Variants in KCNMA1 observed in about 807,000 individuals in gnomAD.
The protein encoded by KCNMA1 is potassium calcium-activated channel subfamily M alpha 1.
In KCNMA1, 29 loss-of-function variants were observed where a neutral mutation model predicts 140.0. The observed-to-expected ratio is 0.21, with a 90% confidence interval of 0.15 to 0.28. The LOEUF (loss-of-function observed/expected upper bound fraction) is 0.28, where lower values mean the gene tolerates loss of function less well. Among genes scored for constraint, KCNMA1 ranks in the 10% least tolerant of loss-of-function variants. KCNMA1 has a pLI of 1.00. For synonymous variants in KCNMA1, 612 were observed against 611.9 expected (o/e 1.00, Z 0.00); for missense variants, 880 against 1,602.2 (o/e 0.55, Z 7.70).
chr10:77,064,679 G>T (rs1744780124), intron 14 of KCNMA1, among the ~76,000 whole-genome samples: 1 of 152,198 alleles, frequency 6.6e-6, no homozygotes. Flanking sequence ...AGACTGAGTG[G>T]CACTGCGGGA....
chr10:77,254,699 C>T (rs1209384105), intron 2 of KCNMA1, among the ~76,000 whole-genome samples: 2 of 152,126 alleles, frequency 1.3e-5, no homozygotes, highest in African/African-American at 4.8e-5. Flanking sequence ...ATATCCTCTC[C>T]TTTCCCAAAA....
chr10:77,045,582 T>A (rs762497487), intron 14 of KCNMA1, among the ~76,000 whole-genome samples: 1 of 152,146 alleles, frequency 6.6e-6, no homozygotes, highest in Non-Finnish European at 1.5e-5. Flanking sequence ...GGCAGACAGC[T>A]CCCCCATCAA....
chr10:77,558,737 G>T (rs148132475), intron 1 of KCNMA1, among the ~76,000 whole-genome samples: 1 of 152,254 alleles, frequency 6.6e-6, no homozygotes, highest in Non-Finnish European at 1.5e-5. Context: ...AGCCTACACA[G>T]CAGTCCTGGA....
At chr10:76,947,061 G>A (rs553296450) in intron 22 of KCNMA1, among the ~76,000 whole-genome samples, 10 of 152,260 alleles carry the variant, frequency 6.6e-5, no homozygotes, top group East Asian at 3.9e-4. Context: ...AGAGCCGGGC[G>A]CGGTGGCTGA....
At chr10:77,194,657 G>A (rs1011081624) in intron 3 of KCNMA1, among the ~76,000 whole-genome samples, 5 of 151,958 alleles carry the variant, frequency 3.3e-5, no homozygotes, top group Admixed American at 3.3e-4. Context: ...CTGAACCTTA[G>A]TATTTCAGCC....
intron 5 of KCNMA1, among the ~76,000 whole-genome samples, chr10:77,169,852 T>G (rs11002059): frequency 0.16 from 23,881 of 152,200 alleles, 2,125 homozygotes; most frequent in African/African-American, 0.23. Context: ...GAGCAAAGTG[T>G]CACCACACTA....
At chr10:77,240,612 T>C (rs2057023463) in intron 3 of KCNMA1, among the ~76,000 whole-genome samples, 1 of 152,220 alleles carries the variant, frequency 6.6e-6, no homozygotes, top group African/African-American at 2.4e-5. Context: ...TTAAGAGTTT[T>C]GGATTTGAGG....
chr10:77,188,822 C>A (rs983438529), intron 3 of KCNMA1, among the ~76,000 whole-genome samples: 9 of 152,148 alleles, frequency 5.9e-5, no homozygotes, highest in Non-Finnish European at 1.3e-4. Context: ...CAAGTGAGGG[C>A]TACCCAGGTT....
intron 2 of KCNMA1, among the ~76,000 whole-genome samples, chr10:77,371,150 C>T (rs555760993): frequency 8.5e-5 from 13 of 152,290 alleles, no homozygotes; most frequent in African/African-American, 2.4e-4. Flanking sequence ...CAACACTGAA[C>T]GAGACACGCT....
At chr10:77,417,840 A>C (rs2096776912) in intron 1 of KCNMA1, among the ~76,000 whole-genome samples, 1 of 152,182 alleles carries the variant, frequency 6.6e-6, no homozygotes, top group African/African-American at 2.4e-5. Context: ...CCATTCAGGA[A>C]ACCAAGGGCT....
chr10:77,192,654 T>A (rs908903658), intron 3 of KCNMA1, among the ~76,000 whole-genome samples: 1 of 152,176 alleles, frequency 6.6e-6, no homozygotes, highest in Admixed American at 6.5e-5. Flanking sequence ...CACTCAAAAG[T>A]GATAGTAATT....
At chr10:77,460,248 C>A (rs749438320) in intron 1 of KCNMA1, among the ~76,000 whole-genome samples, 6 of 152,172 alleles carry the variant, frequency 3.9e-5, no homozygotes, top group African/African-American at 7.2e-5. Flanking sequence ...CTCTCAGATT[C>A]TTCCTGTATT....
chr10:77,084,935 A>C (rs145092799), intron 11 of KCNMA1, among the ~76,000 whole-genome samples: 228 of 152,316 alleles, frequency 1.5e-3, no homozygotes, highest in Admixed American at 3.3e-3. Context: ...GGAGGGTACA[A>C]CATGTACCTT....
At chr10:77,355,841 T>C (rs189390000) in intron 2 of KCNMA1, among the ~76,000 whole-genome samples, 85 of 144,946 alleles carry the variant, frequency 5.9e-4, no homozygotes, top group Admixed American at 1.8e-3. Context: ...ATCCTTCTGG[T>C]AAAAGGAGAA....
At chr10:77,382,988 G>GTATATATATATATATATATA (rs2095470217) in intron 2 of KCNMA1, among the ~76,000 whole-genome samples, 1 of 44,958 alleles carries the variant, frequency 2.2e-5, no homozygotes, top group African/African-American at 1.4e-4. Flanking sequence ...GTGTGTGTGT[G>GTATATATATATATATATATA]TGTGTGTATA....
chr10:77,392,311 G>A (rs2095865388), intron 2 of KCNMA1, among the ~76,000 whole-genome samples: 1 of 151,200 alleles, frequency 6.6e-6, no homozygotes, highest in African/African-American at 2.4e-5. Flanking sequence ...GGCAAGGGAG[G>A]GAAGGGAGGG....
intron 1 of KCNMA1, among the ~76,000 whole-genome samples, chr10:77,631,106 CAAAAAAA>C (rs397944676): frequency 1.6e-5 from 1 of 61,330 alleles, no homozygotes; most frequent in Non-Finnish European, 2.9e-5. Context: ...GACCCTGTCC[CAAAAAAA>C]AAAAAAAAAA....
intron 3 of KCNMA1, among the ~76,000 whole-genome samples, chr10:77,198,978 C>A (rs1732153940): frequency 6.6e-6 from 1 of 152,170 alleles, no homozygotes; most frequent in Non-Finnish European, 1.5e-5. Flanking sequence ...GAGCAGTGCA[C>A]TGCCTCACTT....
At chr10:77,585,503 A>G (rs1480152709) in intron 1 of KCNMA1, among the ~76,000 whole-genome samples, 3 of 152,206 alleles carry the variant, frequency 2.0e-5, no homozygotes, top group Non-Finnish European at 4.4e-5. Context: ...GATTGCTTTC[A>G]CTAGATTGGT....
Sources: gnomAD v4.1 joint callset for allele counts (sites outside exome capture counted in the v4.1 genomes callset) on GRCh38, gnomAD v4.1.1 for gene constraint, MANE v1.5 for transcripts, NCBI Gene and HGNC (gene_info 2026-07-23, HGNC 2026-07-21) for gene names.